Variants in CRAT observed in about 807,000 individuals in gnomAD.
The protein encoded by CRAT is carnitine O-acetyltransferase.
A neutral mutation model predicts 73.7 loss-of-function variants in CRAT; 66 were observed. The ratio of observed to expected loss-of-function variants is 0.90; its 90% CI spans 0.73 to 1.10. The LOEUF (loss-of-function observed/expected upper bound fraction) is 1.10, where lower values mean the gene tolerates loss of function less well. Among genes scored for constraint, CRAT ranks in the 50% least tolerant of loss-of-function variants. The probability of loss-of-function intolerance (pLI) is 0.00; values close to 1 mark genes in which losing one functional copy is unlikely to be tolerated. For synonymous variants in CRAT, 321 were observed against 343.2 expected, an observed-to-expected ratio of 0.94 and a Z score of 0.71; for missense variants, 745 against 846.9, an observed-to-expected ratio of 0.88 and a Z score of 1.49.
rs1317362679 is a variant in CRAT at position 129,106,100 on chromosome 9, C to A, written c.291+1714G>T. 6.6e-6 allele frequency among the ~76,000 whole-genome samples: 1 copy of A among 152,144 alleles called. No homozygotes were observed. Among genetic ancestry groups the A allele is most frequent in the Non-Finnish European group, 1.5e-5 (1 of 68,018 alleles). On this transcript the variant is annotated intron_variant, in intron 2 of 13. Transcript: ENST00000318080. This position sits in a 1 kb window ranked among gnomAD's most constrained non-coding sequence, Gnocchi z 4.0. Reference sequence around the variant, plus strand: ...CCTCTTCATCACACGCACTCCCCTGCAGCACTGGGCCACTAGCCTTTGGCA... The same window carrying A: ...CCTCTTCATCACACGCACTCCCCTGAAGCACTGGGCCACTAGCCTTTGGCA...
At chr9:129,100,396 C>T in intron 7 of CRAT, 115 bp downstream of exon 7, 6 of 1,299,692 alleles carry the variant, frequency 4.6e-6, no homozygotes, top group South Asian at 2.9e-5. Flanking sequence ...GGCTTCCTGC[C>T]TGCTTTACAA....
At chr9:129,105,330 AC>A (rs1847951455) in intron 2 of CRAT, among the ~76,000 whole-genome samples, 1 of 151,836 alleles carries the variant, frequency 6.6e-6, no homozygotes, top group Admixed American at 6.6e-5. Flanking sequence ...CCAATGAGTG[AC>A]TTTTTTTTTG....
At chr9:129,100,051 G>A in intron 7 of CRAT, 85 bp from the exon 8 acceptor site, 1 of 1,057,188 alleles carries the variant, frequency 9.5e-7, no homozygotes, top group Non-Finnish European at 1.4e-6. Flanking sequence ...TGAGGCAAGG[G>A]CCTCTCTGAA....
chr9:129,105,064 C>T (rs565983444), intron 2 of CRAT, among the ~76,000 whole-genome samples: 58 of 150,476 alleles, frequency 3.9e-4, no homozygotes, highest in African/African-American at 1.3e-3. Context: ...CTGTGCCCGG[C>T]TAATTTTTTT....
chr9:129,096,253 CCAGAG>C, intron 12 of CRAT, 118 bp from the exon 13 acceptor site: 1 of 1,298,544 alleles, frequency 7.7e-7, no homozygotes, highest in Middle Eastern at 2.7e-4. Context: ...AACCACAAGA[CCAGAG>C]TATTCTGGCC....
Position 129,102,063 on chromosome 9 carries a change from G to A in CRAT, c.631-6C>T. 1.2e-6 allele frequency: 2 copies of A among 1,613,360 alleles called. No homozygotes were observed. Among genetic ancestry groups the A allele is most frequent in the African/African-American group, 1.3e-5 (1 of 75,062 alleles). On this transcript the variant is annotated splice_region_variant and splice_polypyrimidine_tract_variant and intron_variant, in intron 5 of 13. Transcript: ENST00000318080. ...TACACATCCAGCTCAAAAAACTGTTGGGGCACAGGCAGGTAAGAGGAGGGA... is the reference window on the plus strand; with the variant it reads ...TACACATCCAGCTCAAAAAACTGTTAGGGCACAGGCAGGTAAGAGGAGGGA...
At position 129,097,249 on chromosome 9, in the gene CRAT, C is replaced by T. The variant is rs142750824; in HGVS notation, c.1527+1G>A. On this transcript the variant is annotated splice_donor_variant, in intron 12 of 13. Coordinates refer to ENST00000318080, the MANE Select transcript of CRAT (RefSeq NM_000755.5). LOFTEE classifies it high-confidence loss of function. ...GAGTAGGCACAAGCGGGCTCACTTA[C>T]CCGGTCGGTGTAGCCTCGGTGGGCC... 3 of 1,557,402 alleles carry T rather than the reference C, an allele frequency of 1.9e-6. No homozygotes were observed. The African/African-American group carries it at 4.1e-5, about 21-fold the overall frequency.
chr9:129,109,273 C>G (rs1198892108), intron 1 of CRAT: 17 of 1,304,020 alleles, frequency 1.3e-5, no homozygotes, highest in African/African-American at 1.5e-5. Context: ...GCCCTGGGAT[C>G]GGTCCTGAAA....
chr9:129,100,461 G>C, intron 7 of CRAT, 50 bp downstream of exon 7: 1 of 1,554,042 alleles, frequency 6.4e-7, no homozygotes, highest in African/African-American at 1.4e-5. Flanking sequence ...CGAGGCTGCA[G>C]AGGTCCTGTT....
chr9:129,110,220 G>C lies in CRAT; in HGVS notation c.27+263C>G, dbSNP rs1202340018. On this transcript the variant is annotated intron_variant, in intron 1 of 13. Coordinates refer to ENST00000318080, the MANE Select transcript of CRAT (RefSeq NM_000755.5). The surrounding 1 kb of genome is among the most constrained non-coding windows in gnomAD (Gnocchi z 5.3). ...CGGCCTGTCTCTGGGTCTAAGGGTG[G>C]GGGTGCTAACTGAAGCCGGGGTCCC... Among the ~76,000 whole-genome samples, 1 of 152,176 alleles carries C rather than the reference G, an allele frequency of 6.6e-6. No individual in the cohort carries two copies. The highest frequency in any genetic ancestry group is 1.5e-5 in the Non-Finnish European group (1 of 68,026).
chr9:129,102,972 C>T (rs754701166), intron 4 of CRAT, 41 bp downstream of exon 4: 2 of 1,581,650 alleles, frequency 1.3e-6, no homozygotes, highest in African/African-American at 2.7e-5. Context: ...ATTAAGCAGG[C>T]CTGGGCAGGT....
At position 129,095,286 on chromosome 9, in the gene CRAT, G is replaced by GACCAGGGAAGAGGGA. The variant is rs1156912097; in HGVS notation, c.*96_*110dup. 4.2e-6 allele frequency: 5 copies of GACCAGGGAAGAGGGA among 1,182,608 alleles called. No individual in the cohort carries two copies. The African/African-American group carries it at 7.5e-5, about 18-fold the overall frequency. The allele number at this position is 1,182,608 out of a possible 1,614,324, so 73.3% of individuals were successfully genotyped here. A position where few individuals can be genotyped will look rare whatever the true frequency, so the allele number is the denominator to read the frequency against. On this transcript the variant is annotated 3_prime_UTR_variant, in exon 14 of 14. Coordinates refer to ENST00000318080, the MANE Select transcript of CRAT (RefSeq NM_000755.5). ...GTCCGTGGCTCAGTAGATTTGGGGG[G>GACCAGGGAAGAGGGA]ACCAGGGAAGAGGGAACCAAGGAAG...
In CRAT at chr9:129,106,743, A is replaced by T. The variant is rs897088749; in HGVS notation, c.291+1071T>A. Among the ~76,000 whole-genome samples, 2 of 151,022 alleles carry T rather than the reference A, an allele frequency of 1.3e-5. No individual in the cohort carries two copies. The highest frequency in any genetic ancestry group is 4.9e-5 in the African/African-American group (2 of 40,944). On this transcript the variant is annotated intron_variant, in intron 2 of 13. Coordinates refer to ENST00000318080, the MANE Select transcript of CRAT (RefSeq NM_000755.5). The surrounding 1 kb of genome is among the most constrained non-coding windows in gnomAD (Gnocchi z 4.0). ...CGCCAAGCCCCAGGGCTAGAGCTCT[A>T]CCTCCCCTCCCCATGGCACCCCCTA...
intron 12 of CRAT, 113 bp downstream of exon 12, chr9:129,097,137 T>G: frequency 1.1e-6 from 1 of 876,464 alleles, no homozygotes; most frequent in Non-Finnish European, 1.7e-6. Context: ...TTGGGGGAGA[T>G]GTGGTCCTAG....
At chr9:129,098,809 C>A (rs1181641014) in intron 8 of CRAT, among the ~76,000 whole-genome samples, 159 bp from the exon 9 acceptor site, 2 of 70,978 alleles carry the variant, frequency 2.8e-5, no homozygotes, top group South Asian at 6.3e-4. Flanking sequence ...GCTTTTTTTT[C>A]TTTTTTCTTT....
At position 129,107,691 on chromosome 9, in the gene CRAT, G is replaced by C; in HGVS notation, c.291+123C>G. 7.1e-7 allele frequency: 1 copy of C among 1,412,292 alleles called. No homozygotes were observed. The highest frequency in any genetic ancestry group is 9.9e-7 in the Non-Finnish European group (1 of 1,012,598). 87.5% of individuals were successfully genotyped at this position (1,412,292 alleles called of 1,614,324 possible). ...TCACCCAGCACCCTGCCAAGTGCCA[G>C]ACACAGAGTATGTGCTCACGAAACT... is the stretch of plus-strand genomic sequence containing the variant. On this transcript the variant is annotated intron_variant, in intron 2 of 13. Coordinates refer to ENST00000318080, the MANE Select transcript of CRAT (RefSeq NM_000755.5). This position sits in a 1 kb window ranked among gnomAD's most constrained non-coding sequence, Gnocchi z 5.0.
At chr9:129,109,387 C>A in intron 1 of CRAT, 1 of 768,784 alleles carries the variant, frequency 1.3e-6, no homozygotes, top group Non-Finnish European at 1.9e-6. Flanking sequence ...TCCTGGGACC[C>A]ATCTGAGCCA....
intron 7 of CRAT, chr9:129,100,304 G>A (rs936209601): frequency 2.7e-5 from 17 of 630,008 alleles, no homozygotes; most frequent in Non-Finnish European, 4.6e-5. Context: ...GTGTGCTGGG[G>A]GTGACAGCGG....
intron 12 of CRAT, 29 bp downstream of exon 12, chr9:129,097,221 A>G: frequency 6.5e-7 from 1 of 1,536,012 alleles, no homozygotes. Flanking sequence ...CTAAGGGACA[A>G]GTGAGTAGGC....
Sources: gnomAD v4.1 joint callset for allele counts (sites outside exome capture counted in the v4.1 genomes callset) on GRCh38, gnomAD v4.1.1 for gene constraint, Gnocchi (gnomAD v3.1) non-coding constraint, MANE v1.5 for transcripts, NCBI Gene and HGNC (gene_info 2026-07-23, HGNC 2026-07-21) for gene names.